The following GLRA2 variants were observed in gnomAD, a reference collection of about 807,000 sequenced individuals.
The protein encoded by GLRA2 is glycine receptor alpha 2.
A neutral mutation model predicts 31.6 loss-of-function variants in GLRA2; 11 were observed. The observed-to-expected ratio is 0.35, with a 90% CI of 0.22 to 0.58. GLRA2 has a LOEUF of 0.58. Ranked by LOEUF, GLRA2 falls within the 20% of genes least tolerant of loss-of-function variation. GLRA2 has a pLI of 0.84. For synonymous variants in GLRA2, 132 were observed against 134.0 expected (o/e 0.99, Z 0.10); for missense variants, 212 against 351.8 (o/e 0.60, Z 3.18).
chrX:14,729,369 C>T (rs111772220), intron 8 of GLRA2, among the ~76,000 whole-genome samples: 1 of 111,046 alleles, frequency 9.0e-6, no homozygotes, highest in African/African-American at 3.3e-5. Context: ...TCAACCCCAC[C>T]GTTTGACCCC....
intron 2 of GLRA2, among the ~76,000 whole-genome samples, chrX:14,561,123 T>G (rs972110802): frequency 8.9e-6 from 1 of 112,042 alleles, no homozygotes; most frequent in Non-Finnish European, 1.9e-5. Context: ...TAAATAGTGT[T>G]CTGATTCAGG....
the GLRA2 span, among the ~76,000 whole-genome samples, chrX:14,482,763 C>T: frequency 0.015 from 1,641 of 110,887 alleles, 39 homozygotes; most frequent in African/African-American, 0.051. Flanking sequence ...ACCACCACCA[C>T]CACCATCATC....
intron 5 of GLRA2, among the ~76,000 whole-genome samples, chrX:14,605,209 A>T (rs1256554942): frequency 8.9e-6 from 1 of 111,739 alleles, no homozygotes; most frequent in Non-Finnish European, 1.9e-5. Flanking sequence ...AGGAGATTTA[A>T]TGAGGCATGG....
chrX:14,516,897 G>T, the GLRA2 span, among the ~76,000 whole-genome samples: 6 of 111,944 alleles, frequency 5.4e-5, no homozygotes, highest in African/African-American at 1.9e-4. Flanking sequence ...GTTTGGTCCA[G>T]TTGAACCTTC....
intron 2 of GLRA2, among the ~76,000 whole-genome samples, chrX:14,550,262 T>A (rs765049050): frequency 1.9e-5 from 2 of 103,525 alleles, no homozygotes; most frequent in Non-Finnish European, 4.0e-5. Context: ...GAAAGGAGGT[T>A]TTTTTTTTTT....
chrX:14,667,255 A>G (rs2091046162), intron 7 of GLRA2, among the ~76,000 whole-genome samples: 1 of 112,435 alleles, frequency 8.9e-6, no homozygotes, highest in South Asian at 3.7e-4. Flanking sequence ...GATTCAGACT[A>G]TATTAGGTAA....
At chrX:14,484,705 G>A in the GLRA2 span, among the ~76,000 whole-genome samples, 3 of 111,587 alleles carry the variant, frequency 2.7e-5, no homozygotes, top group African/African-American at 9.8e-5. Flanking sequence ...TAATGGCTTC[G>A]TGGACTTAGA....
intron 2 of GLRA2, among the ~76,000 whole-genome samples, chrX:14,540,114 A>G (rs755234748): frequency 1.8e-5 from 2 of 111,981 alleles, no homozygotes; most frequent in African/African-American, 3.2e-5. Flanking sequence ...GTCAGTTCTT[A>G]CTATTACTAT....
At chrX:14,484,990 C>A in the GLRA2 span, among the ~76,000 whole-genome samples, 1 of 112,503 alleles carries the variant, frequency 8.9e-6, no homozygotes, top group Non-Finnish European at 1.9e-5. Flanking sequence ...TAAGCTCATG[C>A]TAAAATAGCA....
At chrX:14,539,745 G>A (rs530284012) in intron 2 of GLRA2, among the ~76,000 whole-genome samples, 2 of 111,860 alleles carry the variant, frequency 1.8e-5, no homozygotes, top group Admixed American at 1.9e-4. Flanking sequence ...AAGTCCATAG[G>A]CAATTATCAT....
chrX:14,537,677 CAGTA>C (rs1352784781), intron 2 of GLRA2, among the ~76,000 whole-genome samples: 19 of 110,909 alleles, frequency 1.7e-4, no homozygotes, highest in South Asian at 3.8e-4. Flanking sequence ...ATGGAAATGA[CAGTA>C]AGCCCAATTA....
At chrX:14,681,910 A>AAATATATATATATATATAT (rs758563376) in intron 7 of GLRA2, among the ~76,000 whole-genome samples, 10 of 41,274 alleles carry the variant, frequency 2.4e-4, no homozygotes, top group African/African-American at 1.2e-3. Context: ...AAAAAAAAAA[A>AAATATATATATATATATAT]ATATATATAT....
intron 4 of GLRA2, among the ~76,000 whole-genome samples, chrX:14,588,977 C>T (rs1300950424): frequency 8.9e-6 from 1 of 111,969 alleles, no homozygotes. Flanking sequence ...AGCCTTTTGG[C>T]TGAGTCTTTA....
the GLRA2 span, among the ~76,000 whole-genome samples, chrX:14,471,181 T>G: frequency 8.9e-6 from 1 of 111,930 alleles, no homozygotes; most frequent in South Asian, 3.7e-4. Flanking sequence ...TAATTACTTT[T>G]TTTGATTAAA....
chrX:14,652,755 C>T (rs2090902571), intron 7 of GLRA2, among the ~76,000 whole-genome samples: 2 of 111,208 alleles, frequency 1.8e-5, no homozygotes, highest in Admixed American at 9.6e-5. Flanking sequence ...CTCAAGCTTC[C>T]CTATACCCTG....
the GLRA2 span, among the ~76,000 whole-genome samples, chrX:14,466,450 C>T: frequency 1.8e-5 from 2 of 111,694 alleles, no homozygotes; most frequent in African/African-American, 6.5e-5. Context: ...AAATTGGCCT[C>T]TGGAGACACC....
intron 8 of GLRA2, among the ~76,000 whole-genome samples, chrX:14,693,239 C>A (rs994287341): frequency 4.5e-5 from 5 of 111,426 alleles, no homozygotes; most frequent in African/African-American, 1.6e-4. Context: ...AATAGGCACA[C>A]CTATAATATA....
chrX:14,557,041 A>G (rs1052001570), intron 2 of GLRA2, among the ~76,000 whole-genome samples: 3 of 109,068 alleles, frequency 2.8e-5, no homozygotes, highest in African/African-American at 1.0e-4. Context: ...TTTTCTGATT[A>G]ACAAACTCAA....
At chrX:14,725,998 T>C (rs1404633147) in intron 8 of GLRA2, among the ~76,000 whole-genome samples, 1 of 112,368 alleles carries the variant, frequency 8.9e-6, no homozygotes, top group African/African-American at 3.2e-5. Context: ...GCTCAGTTAC[T>C]AAAGATGGAA....
Sources: allele counts gnomAD v4.1 joint callset (sites outside exome capture counted in the v4.1 genomes callset), GRCh38; gene constraint gnomAD v4.1.1; transcripts MANE v1.5; gene names NCBI Gene and HGNC (gene_info 2026-07-23, HGNC 2026-07-21).